MID1: variants seen among roughly 807,000 people sequenced by gnomAD.
The protein encoded by MID1 is E3 ubiquitin-protein ligase Midline-1.
In MID1, 7 loss-of-function variants were observed where a neutral mutation model predicts 40.4. The observed-to-expected ratio is 0.17, with a 90% CI of 0.10 to 0.33. The LOEUF (loss-of-function observed/expected upper bound fraction) is 0.33, where lower values mean the gene tolerates loss of function less well. Ranked by LOEUF, MID1 falls within the 10% of genes least tolerant of loss-of-function variation. MID1 has a pLI of 1.00. For synonymous variants in MID1, 229 were observed against 221.2 expected, an observed-to-expected ratio of 1.04 and a Z score of -0.31; for missense variants, 367 against 558.5, an observed-to-expected ratio of 0.66 and a Z score of 3.46.
At chrX:10,718,643 T>C (rs1362459553) in intron 1 of MID1, among the ~76,000 whole-genome samples, 7 of 111,498 alleles carry the variant, frequency 6.3e-5, no homozygotes, top group Non-Finnish European at 1.3e-4. Context: ...TACCATTCCT[T>C]TTGAAACGAT....
At chrX:10,785,898 T>C (rs1238575256) in intron 1 of MID1, among the ~76,000 whole-genome samples, 2 of 111,977 alleles carry the variant, frequency 1.8e-5, no homozygotes, top group Non-Finnish European at 3.8e-5. Flanking sequence ...ATTCAGGACA[T>C]AGGCATGGGC....
At chrX:10,716,712 C>T (rs1006548915) in intron 1 of MID1, among the ~76,000 whole-genome samples, 8 of 110,697 alleles carry the variant, frequency 7.2e-5, no homozygotes, top group African/African-American at 1.3e-4. Flanking sequence ...AGATACTCCT[C>T]GAGAAGAGCA....
intron 8 of MID1, among the ~76,000 whole-genome samples, chrX:10,457,074 A>AATT (rs1305336774): frequency 9.0e-6 from 1 of 111,670 alleles, no homozygotes; most frequent in Non-Finnish European, 1.9e-5. Context: ...AAAATATTTC[A>AATT]ATTTTTAAAG....
At chrX:10,730,756 A>T (rs1282655701) in intron 1 of MID1, among the ~76,000 whole-genome samples, 3 of 108,525 alleles carry the variant, frequency 2.8e-5, no homozygotes, top group African/African-American at 1.0e-4. Flanking sequence ...TATTTTTTTT[A>T]GTATAGAAGG....
chrX:10,586,627 T>C (rs1333897138), intron 1 of MID1, among the ~76,000 whole-genome samples: 1 of 112,539 alleles, frequency 8.9e-6, no homozygotes, highest in Non-Finnish European at 1.9e-5. Flanking sequence ...CATTAGCTAA[T>C]GATGTCCTTT....
chrX:10,767,276 A>C (rs2043737113), intron 1 of MID1, among the ~76,000 whole-genome samples: 1 of 111,689 alleles, frequency 9.0e-6, no homozygotes, highest in Non-Finnish European at 1.9e-5. Context: ...TCAGTCAATA[A>C]ATATTTGTCA....
intron 1 of MID1, among the ~76,000 whole-genome samples, chrX:10,804,175 C>T (rs2044028309): frequency 1.8e-5 from 2 of 112,246 alleles, no homozygotes; most frequent in Non-Finnish European, 3.8e-5. Flanking sequence ...TCTGTTCTTG[C>T]ACATTGTCTA....
upstream of MID1, chrX:10,620,766 T>C (rs1210969367): frequency 1.8e-5 from 2 of 112,398 alleles, no homozygotes; most frequent in Non-Finnish European, 3.8e-5. Flanking sequence ...ATGAGTTCTA[T>C]TCTTATCTAA....
chrX:10,583,813 A>G (rs1935073247), intron 1 of MID1, among the ~76,000 whole-genome samples: 1 of 110,484 alleles, frequency 9.1e-6, no homozygotes, highest in African/African-American at 3.3e-5. Context: ...CGGGTGGATC[A>G]CGACATTAGG....
intron 1 of MID1, among the ~76,000 whole-genome samples, chrX:10,653,016 C>G (rs7057862): frequency 0.016 from 1,749 of 111,660 alleles, 36 homozygotes; most frequent in African/African-American, 0.052. Context: ...TGTCCATCTC[C>G]CTCCATTAGA....
chrX:10,676,593 T>A, intron 1 of MID1, among the ~76,000 whole-genome samples: 1 of 111,768 alleles, frequency 8.9e-6, no homozygotes, highest in South Asian at 3.8e-4. Context: ...GAAGTCTTCC[T>A]TCCCTCTGTT....
Position 10,447,714 on chromosome X carries a change from T to C in MID1, c.*1654A>G, listed in dbSNP as rs769442723. 6 of 111,386 alleles carry C rather than the reference T, an allele frequency of 5.4e-5. No homozygotes were observed. Among genetic ancestry groups the C allele is most frequent in the Non-Finnish European group, 7.5e-5 (4 of 53,106 alleles). The allele number at this position is 111,386 out of a possible 1,213,427, so 9.2% of individuals were successfully genotyped here. ...GGAGAGTGTCTGCTAGGGAAGAGGA[T>C]GGAAGGACCCAGGAAGCTGGCTTGG... On this transcript the variant is annotated 3_prime_UTR_variant, in exon 10 of 10. Transcript: ENST00000317552.
intron 1 of MID1, among the ~76,000 whole-genome samples, chrX:10,817,514 CTCTTTCTTTCTTTCTTTCTTTCTTTCTT>C (rs57062100): frequency 6.2e-5 from 5 of 80,435 alleles, no homozygotes; most frequent in Non-Finnish European, 1.2e-4. Context: ...TTCTTTTTTT[CTCTTTCTTTCTTTCTTTCTTTCTTTCTT>C]TCTTTCTTTC....
intron 1 of MID1, among the ~76,000 whole-genome samples, chrX:10,760,819 C>T (rs2043673010): frequency 9.0e-6 from 1 of 111,310 alleles, no homozygotes; most frequent in African/African-American, 3.3e-5. Flanking sequence ...ACAGCAAAAC[C>T]CTGCCTCTAA....
chrX:10,570,357 C>T (rs1243729027), intron 1 of MID1, among the ~76,000 whole-genome samples: 1 of 112,222 alleles, frequency 8.9e-6, no homozygotes, highest in African/African-American at 3.2e-5. Context: ...GTAATTCTTC[C>T]CCCATCTCGG....
intron 1 of MID1, among the ~76,000 whole-genome samples, chrX:10,788,987 A>G (rs778584320): frequency 2.7e-5 from 3 of 110,923 alleles, no homozygotes; most frequent in East Asian, 2.8e-4. Flanking sequence ...AACAAAAACA[A>G]AAACAAAAAC....
intron 2 of MID1, among the ~76,000 whole-genome samples, chrX:10,558,201 C>G (rs757473837): frequency 4.5e-5 from 5 of 111,457 alleles, no homozygotes; most frequent in Non-Finnish European, 9.4e-5. Flanking sequence ...CCTGGCTCCC[C>G]ATTTGGCACC....
At chrX:10,589,272 A>C (rs1935218285) in intron 1 of MID1, among the ~76,000 whole-genome samples, 1 of 111,985 alleles carries the variant, frequency 8.9e-6, no homozygotes, top group Admixed American at 9.4e-5. Context: ...GTGGGTGATC[A>C]GGCCATGCTT....
intron 7 of MID1, among the ~76,000 whole-genome samples, chrX:10,465,690 G>T (rs1253734893): frequency 9.0e-6 from 1 of 110,841 alleles, no homozygotes; most frequent in African/African-American, 3.3e-5. Context: ...AAGCTGCCAT[G>T]AATTCCACAA....
Sources: gnomAD v4.1 joint callset for allele counts (sites outside exome capture counted in the v4.1 genomes callset) on GRCh38, gnomAD v4.1.1 for gene constraint, MANE v1.5 for transcripts, NCBI Gene and HGNC (gene_info 2026-07-23, HGNC 2026-07-21) for gene names.